Variants in PCDHB5 observed in about 807,000 individuals in gnomAD.
PCDHB5 encodes the protein protocadherin beta-5.
For synonymous variants in PCDHB5, 569 were observed against 462.2 expected, an observed-to-expected ratio of 1.23 and a Z score of -2.96; for missense variants, 1,125 against 1,029.4, an observed-to-expected ratio of 1.09 and a Z score of -1.27.
rs201610065 is a variant in PCDHB5 at position 141,137,654 on chromosome 5, C to A, written c.2220C>A (p.Gly740=). ...PFPGHLVDVS[G]TGTLSQSYHY... is the part of the protein sequence containing the mutation. ...CAGGGCATCTGGTGGACGTGAGCGGCACCGGGACCCTATCCCAGAGCTACC... is the reference window on the plus strand; with the variant it reads ...CAGGGCATCTGGTGGACGTGAGCGGAACCGGGACCCTATCCCAGAGCTACC... The change falls in exon 1 of 1, where the codon GGC becomes GGA. Residue 740 remains glycine (G), a synonymous_variant. Transcript: ENST00000231134. 2.5e-4 allele frequency: 398 copies of A among 1,614,120 alleles called. No homozygotes were observed. Among genetic ancestry groups the A allele is most frequent in the Non-Finnish European group, 3.1e-4 (360 of 1,180,042 alleles).
Position 141,137,518 on chromosome 5 carries a change from C to A in PCDHB5, c.2084C>A (p.Ser695Ter). ...GTCTACCTGGTGGTGGCATTGGCCTCGGTGTCGTCGCTCTTCCTCTTTTCG... is the reference window on the plus strand; with the variant it reads ...GTCTACCTGGTGGTGGCATTGGCCTAGGTGTCGTCGCTCTTCCTCTTTTCG... The part of the protein sequence containing the change: ...LTVYLVVALA[S>*]VSSLFLFSVL... Residue 695 changes from serine (S) to a stop codon, truncating the protein, a stop_gained, in exon 1 of 1, where the codon TCG becomes TAG. Transcript: ENST00000231134. LOFTEE classifies it low-confidence loss of function (END_TRUNC). The A allele has an allele frequency of 6.2e-7, 1 of 1,612,402 alleles. No individual in the cohort carries two copies. The highest frequency in any genetic ancestry group is 8.5e-7 in the Non-Finnish European group (1 of 1,179,606).
At position 141,137,319 on chromosome 5, in the gene PCDHB5, C is replaced by A. The variant is rs1752612686; in HGVS notation, c.1885C>A (p.Leu629Met). Residue 629 changes from leucine to methionine, a missense_variant, in exon 1 of 1, where the codon CTG (leucine) becomes ATG (methionine). Leu to Met is a conservative substitution (Grantham distance 15, BLOSUM62 2). Transcript: ENST00000231134. ...HNGEVRTARL[L>M]SERDAAKHRL... ...TGGCGAGGTGCGCACCGCCAGGCTG[C>A]TGAGCGAGCGCGACGCGGCCAAGCA... is the stretch of plus-strand genomic sequence containing the variant. 1 of 1,610,036 alleles carries A rather than the reference C, an allele frequency of 6.2e-7. No individual in the cohort carries two copies. Among genetic ancestry groups the A allele is most frequent in the African/African-American group, 1.3e-5 (1 of 74,990 alleles).
In PCDHB5 at chr5:141,137,051, G is replaced by A; in HGVS notation, c.1617G>A (p.Ala539=). The change falls in exon 1 of 1, where the codon GCG becomes GCA. Residue 539 remains alanine (A), a synonymous_variant. Coordinates refer to ENST00000231134, the MANE Select transcript of PCDHB5 (RefSeq NM_015669.5). Reference sequence around the variant, plus strand: ...GAGCCACAGACCGCGGCTCCCCGGCGCTGAGCAGCGAGGCGCTGGTGCGCG... The same window carrying A: ...GAGCCACAGACCGCGGCTCCCCGGCACTGAGCAGCGAGGCGCTGGTGCGCG... ...RVGATDRGSP[A]LSSEALVRVL... is the part of the protein sequence containing the mutation. The A allele has an allele frequency of 6.2e-7, 1 of 1,611,794 alleles. No homozygotes were observed. Among genetic ancestry groups the A allele is most frequent in the Non-Finnish European group, 8.5e-7 (1 of 1,179,712 alleles).
rs782313237 is a variant in PCDHB5 at position 141,136,201 on chromosome 5, C to A, written c.767C>A (p.Pro256His). The change falls in exon 1 of 1, where the codon CCC becomes CAC. Residue 256 changes from proline (P) to histidine (H), a missense_variant. Physicochemically the swap from Pro to His is moderately conservative, Grantham distance 77 (BLOSUM62 -2). Coordinates refer to ENST00000231134, the MANE Select transcript of PCDHB5 (RefSeq NM_015669.5). ...GAGGTACAGGTGCCCGAGAACAGCC[C>A]CCTTAACTCCTTAGTTGTCGTTGTC... is the stretch of plus-strand genomic sequence containing the variant. ...FYEVQVPENS[P>H]LNSLVVVVSA... is the part of the protein sequence containing the mutation. 1.2e-6 allele frequency: 2 copies of A among 1,613,924 alleles called. No individual in the cohort carries two copies. Among genetic ancestry groups the A allele is most frequent in the Non-Finnish European group, 8.5e-7 (1 of 1,179,996 alleles).
chr5:141,137,714 C>G lies in PCDHB5; in HGVS notation c.2280C>G (p.Ala760=), dbSNP rs781903713. The G allele has an allele frequency of 3.1e-6, 5 of 1,614,060 alleles. No individual in the cohort carries two copies. The highest frequency in any genetic ancestry group is 4.2e-6 in the Non-Finnish European group (5 of 1,180,052). ...YEVCLTGDSG[A]GEFKFLKPII... is the part of the protein sequence containing the mutation. ...TGTGTTTGACCGGAGACTCAGGGGC[C>G]GGCGAGTTCAAGTTCCTGAAGCCGA... Residue 760 remains alanine (A), a synonymous_variant, in exon 1 of 1, where the codon GCC becomes GCG. Coordinates refer to ENST00000231134, the MANE Select transcript of PCDHB5 (RefSeq NM_015669.5).
chr5:141,137,218 C>A lies in PCDHB5; in HGVS notation c.1784C>A (p.Ser595Ter). ...VTKVVAVDGD[S>*]GQNAWLSYQL... ...AAGGTGGTGGCGGTGGACGGTGACT[C>A]GGGCCAGAACGCCTGGCTGTCGTAC... Residue 595 changes from serine to a stop codon, truncating the protein, a stop_gained, in exon 1 of 1, where the codon TCG (serine) becomes TAG (stop). Coordinates refer to ENST00000231134, the MANE Select transcript of PCDHB5 (RefSeq NM_015669.5). LOFTEE classifies it low-confidence loss of function (END_TRUNC). The A allele has an allele frequency of 3.7e-6, 6 of 1,610,920 alleles. No homozygotes were observed. Among genetic ancestry groups the A allele is most frequent in the Non-Finnish European group, 5.1e-6 (6 of 1,179,608 alleles).
Position 141,135,852 on chromosome 5 carries a change from C to T in PCDHB5, c.418C>T (p.Leu140=), listed in dbSNP as rs1554275757. 2 of 1,614,116 alleles carry T rather than the reference C, an allele frequency of 1.2e-6. No individual in the cohort carries two copies. Among genetic ancestry groups the T allele is most frequent in the Non-Finnish European group, 1.7e-6 (2 of 1,180,006 alleles). Residue 140 remains leucine, a synonymous_variant, in exon 1 of 1, where the codon CTA becomes TTA. Coordinates refer to ENST00000231134, the MANE Select transcript of PCDHB5 (RefSeq NM_015669.5). ...AGAGTTCCCAGAGAAGGAAATGCTC[C>T]TAAAAATCCCAGAGAGCACCCAGCC... ...APEFPEKEML[L]KIPESTQPGT... is the part of the protein sequence containing the mutation.
At position 141,136,089 on chromosome 5, in the gene PCDHB5, G is replaced by A. The variant is rs149851959; in HGVS notation, c.655G>A (p.Ala219Thr). The change falls in exon 1 of 1, where the codon GCT becomes ACT. Residue 219 changes from alanine to threonine, a missense_variant. Ala to Thr is a moderately conservative substitution (Grantham distance 58). Coordinates refer to ENST00000231134, the MANE Select transcript of PCDHB5 (RefSeq NM_015669.5). ...AACACTCACTGCACTGGACGGTGGG[G>A]CTCCGCCCAGGTCCGGGACCACCAC... Reference protein sequence around the residue: ...SLTLTALDGGAPPRSGTTTIR... With the variant: ...SLTLTALDGGTPPRSGTTTIR... 189 of 1,614,120 alleles carry A rather than the reference G, an allele frequency of 1.2e-4. No individual in the cohort carries two copies. Among genetic ancestry groups the A allele is most frequent in the Middle Eastern group, 1.6e-4 (1 of 6,062 alleles).
At position 141,137,685 on chromosome 5, in the gene PCDHB5, G is replaced by C. The variant is rs782301396; in HGVS notation, c.2251G>C (p.Glu751Gln). The C allele has an allele frequency of 6.2e-7, 1 of 1,614,224 alleles. No homozygotes were observed. Among genetic ancestry groups the C allele is most frequent in the Non-Finnish European group, 8.5e-7 (1 of 1,180,052 alleles). The change falls in exon 1 of 1, where the codon GAG (glutamate) becomes CAG (glutamine). Residue 751 changes from glutamate to glutamine, a missense_variant. Transcript: ENST00000231134. ...TGTLSQSYHY[E>Q]VCLTGDSGAG... ...GACCCTATCCCAGAGCTACCACTAC[G>C]AGGTGTGTTTGACCGGAGACTCAGG...
chr5:141,136,529 C>A lies in PCDHB5; in HGVS notation c.1095C>A (p.Ala365=), dbSNP rs1233689622. Reference sequence around the variant, plus strand: ...AAAATGCCCCGGAAACTGTAGTTGCCGTTTTCAGTGTTTCTGATCCAGACT... The same window carrying A: ...AAAATGCCCCGGAAACTGTAGTTGCAGTTTTCAGTGTTTCTGATCCAGACT... ...TPENAPETVV[A]VFSVSDPDSG... is the part of the protein sequence containing the mutation. Residue 365 remains alanine (A), a synonymous_variant, in exon 1 of 1, where the codon GCC becomes GCA. Coordinates refer to ENST00000231134, the MANE Select transcript of PCDHB5 (RefSeq NM_015669.5). 1.7e-5 allele frequency: 28 copies of A among 1,613,900 alleles called. No individual in the cohort carries two copies. The highest frequency in any genetic ancestry group is 4.0e-5 in the African/African-American group (3 of 74,882).
At position 141,136,560 on chromosome 5, in the gene PCDHB5, G is replaced by A. The variant is rs781948553; in HGVS notation, c.1126G>A (p.Asp376Asn). 2.5e-5 allele frequency: 40 copies of A among 1,613,980 alleles called. No individual in the cohort carries two copies. The Admixed American group carries it at 6.3e-4, about 26-fold the overall frequency. ...CAGTGTTTCTGATCCAGACTCCGGG[G>A]ACAACGGTAGGATGATTTGCTCCAT... ...VFSVSDPDSG[D>N]NGRMICSIQN... is the part of the protein sequence containing the mutation. The change falls in exon 1 of 1, where the codon GAC becomes AAC. Residue 376 changes from aspartate to asparagine, a missense_variant. Physicochemically the swap from Asp to Asn is conservative, Grantham distance 23. Coordinates refer to ENST00000231134, the MANE Select transcript of PCDHB5 (RefSeq NM_015669.5).
Position 141,135,677 on chromosome 5 carries a change from C to G in PCDHB5, c.243C>G (p.Thr81=). The part of the protein sequence containing the change: ...NKELLQLDIK[T]GNLLLYEKLD... ...AGCTCTTGCAGCTTGATATAAAGAC[C>G]GGCAATTTGCTTCTATATGAAAAAC... Residue 81 remains threonine (T), a synonymous_variant, in exon 1 of 1, where the codon ACC becomes ACG. Coordinates refer to ENST00000231134, the MANE Select transcript of PCDHB5 (RefSeq NM_015669.5). 3.7e-6 allele frequency: 6 copies of G among 1,614,040 alleles called. No individual in the cohort carries two copies. Among genetic ancestry groups the G allele is most frequent in the Non-Finnish European group, 5.1e-6 (6 of 1,179,994 alleles).
In PCDHB5 at chr5:141,135,948, A is replaced by G; in HGVS notation, c.514A>G (p.Ile172Val). The G allele has an allele frequency of 6.2e-7, 1 of 1,614,186 alleles. No individual in the cohort carries two copies. Among genetic ancestry groups the G allele is most frequent in the Non-Finnish European group, 8.5e-7 (1 of 1,180,036 alleles). Reference sequence around the variant, plus strand: ...TAGCAACACTGTTCAGAACTACACAATCAGCCCAAATTCACACTTTCATGT... The same window carrying G: ...TAGCAACACTGTTCAGAACTACACAGTCAGCCCAAATTCACACTTTCATGT... ...IGSNTVQNYT[I>V]SPNSHFHVAT... Residue 172 changes from isoleucine (I) to valine (V), a missense_variant, in exon 1 of 1, where the codon ATC (isoleucine) becomes GTC (valine). Physicochemically the swap from Ile to Val is conservative, Grantham distance 29. Coordinates refer to ENST00000231134, the MANE Select transcript of PCDHB5 (RefSeq NM_015669.5).
In PCDHB5 at chr5:141,137,132, C is replaced by A. The variant is rs138959137; in HGVS notation, c.1698C>A (p.Asn566Lys). Residue 566 changes from asparagine (N) to lysine (K), a missense_variant, in exon 1 of 1, where the codon AAC becomes AAA. By Grantham distance (94) the Asn-to-Lys change is moderately conservative (BLOSUM62 0). Transcript: ENST00000231134. ...NSPFVLYPLQ[N>K]GSAPCTELVP... ...CCTTCGTGCTGTATCCGCTGCAGAACGGCTCGGCGCCTTGCACCGAGCTGG... is the reference window on the plus strand; with the variant it reads ...CCTTCGTGCTGTATCCGCTGCAGAAAGGCTCGGCGCCTTGCACCGAGCTGG... 27 of 1,611,146 alleles carry A rather than the reference C, an allele frequency of 1.7e-5. No individual in the cohort carries two copies. The African/African-American group carries it at 3.6e-4, about 21-fold the overall frequency.
rs781892726 is a variant in PCDHB5 at position 141,136,256 on chromosome 5, T to C, written c.822T>C (p.Tyr274=). The change falls in exon 1 of 1, where the codon TAT becomes TAC. Residue 274 remains tyrosine (Y), a synonymous_variant. Transcript: ENST00000231134. ...CTCGAGATTTAGATGCAGGAGCATA[T>C]GGGAGTGTAGCCTATGCTCTATTCC... ...VSARDLDAGA[Y]GSVAYALFQG... 1.2e-6 allele frequency: 2 copies of C among 1,613,996 alleles called. No homozygotes were observed. The highest frequency in any genetic ancestry group is 2.2e-5 in the South Asian group (2 of 91,072).
At position 141,137,076 on chromosome 5, in the gene PCDHB5, G is replaced by T. The variant is rs782015798; in HGVS notation, c.1642G>T (p.Val548Leu). The T allele has an allele frequency of 1.9e-5, 30 of 1,611,538 alleles. No homozygotes were observed. The Admixed American group carries it at 3.2e-4, about 17-fold the overall frequency. Residue 548 changes from valine to leucine, a missense_variant, in exon 1 of 1, where the codon GTG (valine) becomes TTG (leucine). By Grantham distance (32) the Val-to-Leu change is conservative. Transcript: ENST00000231134. ...PALSSEALVR[V>L]LVLDANDNSP... is the part of the protein sequence containing the mutation. ...GCTGAGCAGCGAGGCGCTGGTGCGCGTGCTGGTGCTGGACGCCAACGACAA... is the reference window on the plus strand; with the variant it reads ...GCTGAGCAGCGAGGCGCTGGTGCGCTTGCTGGTGCTGGACGCCAACGACAA...
rs782760735 is a variant in PCDHB5, at chr5:141,136,566, G to A, written c.1132G>A (p.Gly378Ser). 2 of 1,614,018 alleles carry A rather than the reference G, an allele frequency of 1.2e-6. No individual in the cohort carries two copies. Among genetic ancestry groups the A allele is most frequent in the Middle Eastern group, 1.6e-4 (1 of 6,062 alleles). The change falls in exon 1 of 1, where the codon GGT becomes AGT. Residue 378 changes from glycine (G) to serine (S), a missense_variant. By Grantham distance (56) the Gly-to-Ser change is moderately conservative. Transcript: ENST00000231134. ...TTCTGATCCAGACTCCGGGGACAACGGTAGGATGATTTGCTCCATCCAGAA... is the reference window on the plus strand; with the variant it reads ...TTCTGATCCAGACTCCGGGGACAACAGTAGGATGATTTGCTCCATCCAGAA... ...SVSDPDSGDN[G>S]RMICSIQNDL...
chr5:141,136,954 C>T lies in PCDHB5; in HGVS notation c.1520C>T (p.Ala507Val). Residue 507 changes from alanine to valine, a missense_variant, in exon 1 of 1, where the codon GCG becomes GTG. Coordinates refer to ENST00000231134, the MANE Select transcript of PCDHB5 (RefSeq NM_015669.5). ...LRLASLVSINADNGHLFALRS... is the reference protein window; with the variant it reads ...LRLASLVSINVDNGHLFALRS... ...CTCGCCTCCCTGGTCTCCATCAACG[C>T]GGACAACGGCCACCTGTTTGCCCTC... 2 of 1,612,584 alleles carry T rather than the reference C, an allele frequency of 1.2e-6. No homozygotes were observed. The highest frequency in any genetic ancestry group is 1.7e-6 in the Non-Finnish European group (2 of 1,179,990).
In PCDHB5 at chr5:141,137,504, G is replaced by A; in HGVS notation, c.2070G>A (p.Val690=). Residue 690 remains valine (V), a synonymous_variant, in exon 1 of 1, where the codon GTG becomes GTA. Coordinates refer to ENST00000231134, the MANE Select transcript of PCDHB5 (RefSeq NM_015669.5). The part of the protein sequence containing the change: ...AQADSLTVYL[V]VALASVSSLF... ...CCGACTCGCTCACTGTCTACCTGGT[G>A]GTGGCATTGGCCTCGGTGTCGTCGC... 6.2e-7 allele frequency: 1 copy of A among 1,612,576 alleles called. No individual in the cohort carries two copies. Among genetic ancestry groups the A allele is most frequent in the East Asian group, 2.2e-5 (1 of 44,856 alleles).
Sources: allele counts gnomAD v4.1 joint callset, GRCh38; gene constraint gnomAD v4.1.1; transcripts MANE v1.5; gene names NCBI Gene and HGNC (gene_info 2026-07-23, HGNC 2026-07-21).